NFATC2: variants seen among roughly 807,000 people sequenced by gnomAD.
The protein encoded by NFATC2 is nuclear factor of activated T-cells, cytoplasmic 2.
In NFATC2, 22 loss-of-function variants were observed where a neutral mutation model predicts 87.3. That is an observed-to-expected ratio of 0.25 (90% confidence interval 0.18 to 0.36). The LOEUF (loss-of-function observed/expected upper bound fraction) is 0.36, where lower values mean the gene tolerates loss of function less well. NFATC2 is among the 10% of genes least tolerant of loss of function. The probability of loss-of-function intolerance (pLI) is 1.00; values close to 1 mark genes in which losing one functional copy is unlikely to be tolerated. For synonymous variants in NFATC2, 565 were observed against 542.2 expected (o/e 1.04, Z -0.58); for missense variants, 1,149 against 1,259.1 (o/e 0.91, Z 1.32).
intron 6 of NFATC2, among the ~76,000 whole-genome samples, chr20:51,438,672 G>T (rs79789166): frequency 6.6e-6 from 1 of 152,114 alleles, no homozygotes; most frequent in African/African-American, 2.4e-5. Context: ...TGTCCTCTCC[G>T]GGTCAAGGGA....
At chr20:51,440,221 A>T (rs1456351351) in intron 6 of NFATC2, among the ~76,000 whole-genome samples, 1 of 125,826 alleles carries the variant, frequency 7.9e-6, no homozygotes, top group African/African-American at 3.3e-5. Context: ...GGGCAACAAG[A>T]GCAAAACTCC....
At chr20:51,559,769 G>GA (rs1431437005) in intron 1 of NFATC2, among the ~76,000 whole-genome samples, 2 of 152,212 alleles carry the variant, frequency 1.3e-5, no homozygotes, top group Admixed American at 1.3e-4. Context: ...TATCTGCTAT[G>GA]TGACCTTGGG....
At chr20:51,405,227 A>T (rs910155) in intron 9 of NFATC2, among the ~76,000 whole-genome samples, 140,224 of 152,146 alleles carry the variant, frequency 0.92, 64,696 homozygotes, top group African/African-American at 0.96. Context: ...ACATCCTCCT[A>T]GTCCTCCCCC....
chr20:51,524,488 G>C lies in NFATC2; in HGVS notation c.131-378C>G, dbSNP rs1252247241. On this transcript the variant is annotated intron_variant, in intron 1 of 10. Coordinates refer to ENST00000371564, the MANE Select transcript of NFATC2 (RefSeq NM_012340.5). This position sits in a 1 kb window ranked among gnomAD's most constrained non-coding sequence, Gnocchi z 4.0. Reference sequence around the variant, plus strand: ...TTACCCCTGCTACATGACACCCTCAGACCCTCCCTCCTGCCTGAGTGATTT... The same window carrying C: ...TTACCCCTGCTACATGACACCCTCACACCCTCCCTCCTGCCTGAGTGATTT... Among the ~76,000 whole-genome samples the C allele has an allele frequency of 1.3e-5, 2 of 152,108 alleles. No homozygotes were observed. The highest frequency in any genetic ancestry group is 6.6e-5 in the Admixed American group (1 of 15,260).
intron 3 of NFATC2, among the ~76,000 whole-genome samples, chr20:51,490,401 G>A (rs541235401): frequency 5.9e-5 from 9 of 152,146 alleles, no homozygotes; most frequent in Non-Finnish European, 1.3e-4. Context: ...TTCTGTTCCT[G>A]TAGTCTCTAA....
At chr20:51,413,117 G>C (rs1481856915) in intron 9 of NFATC2, among the ~76,000 whole-genome samples, 1 of 151,466 alleles carries the variant, frequency 6.6e-6, no homozygotes, top group Non-Finnish European at 1.5e-5. Context: ...AACAACTGCA[G>C]GATGACCCGG....
At chr20:51,407,521 G>C (rs898575324) in intron 9 of NFATC2, among the ~76,000 whole-genome samples, 20 of 152,190 alleles carry the variant, frequency 1.3e-4, no homozygotes, top group African/African-American at 4.6e-4. Flanking sequence ...TGGACATCGG[G>C]TGCTGTAGTC....
intron 6 of NFATC2, among the ~76,000 whole-genome samples, chr20:51,444,854 C>T (rs1344359425): frequency 1.3e-5 from 2 of 152,032 alleles, no homozygotes; most frequent in African/African-American, 4.8e-5. Context: ...AATGGCCCCC[C>T]CAGCTTAGGA....
At chr20:51,460,720 G>A (rs970641715) in intron 5 of NFATC2, among the ~76,000 whole-genome samples, 26 of 151,492 alleles carry the variant, frequency 1.7e-4, no homozygotes, top group African/African-American at 5.1e-4. Flanking sequence ...CGATCCGCAC[G>A]CCTCGCCCTC....
chr20:51,507,788 C>T (rs898574126), intron 3 of NFATC2, among the ~76,000 whole-genome samples: 3 of 152,240 alleles, frequency 2.0e-5, no homozygotes, highest in Admixed American at 6.5e-5. Flanking sequence ...AGCAGCATCG[C>T]GCGCTGGCTG....
intron 3 of NFATC2, among the ~76,000 whole-genome samples, chr20:51,515,675 G>T (rs547460136): frequency 6.4e-4 from 88 of 137,824 alleles, no homozygotes; most frequent in African/African-American, 2.3e-3. Flanking sequence ...GATGGCTATG[G>T]TGTCTGATTT....
At chr20:51,499,113 T>C (rs1417301235) in intron 3 of NFATC2, among the ~76,000 whole-genome samples, 1 of 152,118 alleles carries the variant, frequency 6.6e-6, no homozygotes, top group Non-Finnish European at 1.5e-5. Context: ...AAGGCTACTC[T>C]GCATCTATAC....
chr20:51,493,126 G>A (rs1166849642), intron 3 of NFATC2, among the ~76,000 whole-genome samples: 4 of 152,206 alleles, frequency 2.6e-5, no homozygotes, highest in Non-Finnish European at 5.9e-5. Flanking sequence ...TTTAGACTGG[G>A]GGCTAGGGAG....
At chr20:51,417,854 G>A (rs889494753) in intron 9 of NFATC2, among the ~76,000 whole-genome samples, 3 of 152,048 alleles carry the variant, frequency 2.0e-5, no homozygotes, top group Admixed American at 6.5e-5. Flanking sequence ...TCAGCAACAC[G>A]CCCCCTGAGC....
At chr20:51,544,286 C>G (rs779817010), upstream of NFATC2, among the ~76,000 whole-genome samples, 1 of 152,032 alleles carries the variant, frequency 6.6e-6, no homozygotes, top group Non-Finnish European at 1.5e-5. Context: ...CACGCCCGGC[C>G]TGAAAATTTT....
At chr20:51,445,828 C>T (rs1052565937) in intron 6 of NFATC2, among the ~76,000 whole-genome samples, 1 of 152,164 alleles carries the variant, frequency 6.6e-6, no homozygotes, top group South Asian at 2.1e-4. Context: ...ATGGAAGCAC[C>T]GGGGGCTGAG....
At chr20:51,454,728 G>C (rs765542955) in intron 5 of NFATC2, 40 bp from the exon 6 acceptor site, 1 of 1,607,524 alleles carries the variant, frequency 6.2e-7, no homozygotes, top group Non-Finnish European at 8.5e-7. Context: ...GATAAGGGGA[G>C]ATGTCTGTTC....
At chr20:51,504,801 C>T (rs934559633) in intron 3 of NFATC2, among the ~76,000 whole-genome samples, 1 of 152,040 alleles carries the variant, frequency 6.6e-6, no homozygotes, top group Non-Finnish European at 1.5e-5. Flanking sequence ...ATGGAATGCA[C>T]TTAAACTTAC....
intron 1 of NFATC2, among the ~76,000 whole-genome samples, chr20:51,530,392 C>T (rs1306191864): frequency 6.6e-6 from 1 of 152,156 alleles, no homozygotes; most frequent in East Asian, 1.9e-4. Flanking sequence ...TAGTCTCGAA[C>T]TCCTGACCTC....
Sources: allele counts gnomAD v4.1 joint callset (sites outside exome capture counted in the v4.1 genomes callset), GRCh38; gene constraint gnomAD v4.1.1; non-coding constraint Gnocchi (gnomAD v3.1); transcripts MANE v1.5; gene names NCBI Gene and HGNC (gene_info 2026-07-23, HGNC 2026-07-21).